Variants in CLCN3 observed in about 807,000 individuals in gnomAD.
CLCN3 encodes H(+)/Cl(-) exchange transporter 3.
CLCN3 carries 16 observed loss-of-function variants against 83.4 expected under a neutral mutation model. The observed-to-expected ratio is 0.19, with a 90% CI of 0.13 to 0.29. CLCN3 has a LOEUF of 0.29. Among genes scored for constraint, CLCN3 ranks in the 10% least tolerant of loss-of-function variants. CLCN3 has a pLI of 1.00. For synonymous variants in CLCN3, 322 were observed against 346.2 expected, an observed-to-expected ratio of 0.93 and a Z score of 0.78; for missense variants, 544 against 1,006.0, an observed-to-expected ratio of 0.54 and a Z score of 6.21.
chr4:169,723,295 T>G lies in CLCN3; in HGVS notation c.*3298T>G, dbSNP rs1733695487. 1 of 152,156 alleles carries G rather than the reference T, an allele frequency of 6.6e-6. No individual in the cohort carries two copies. The highest frequency in any genetic ancestry group is 1.5e-5 in the Non-Finnish European group (1 of 68,040). 9.4% of individuals were successfully genotyped at this position (152,156 alleles called of 1,614,324 possible). On this transcript the variant is annotated 3_prime_UTR_variant, in exon 13 of 13. Transcript: ENST00000513761. ...CAGGGAGCCCCAAAAAGGTAATAAT[T>G]ATAATGCTTCTCTCAGGTTACAAAG...
In CLCN3 at chr4:169,690,648, C is replaced by T. The variant is rs750376977; in HGVS notation, c.725C>T (p.Pro242Leu). Residue 242 changes from proline to leucine, a missense_variant, in exon 6 of 13, where the codon CCA (proline) becomes CTA (leucine). By Grantham distance (98) the Pro-to-Leu change is moderately conservative. Transcript: ENST00000513761. The part of the protein sequence containing the change: ...FAPYACGSGI[P>L]EIKTILSGFI... ...CCATATGCCTGTGGCTCTGGAATTC[C>T]AGAGGTAAGCCAAGTAATATTTAGT... 6.2e-7 allele frequency: 1 copy of T among 1,611,310 alleles called. No individual in the cohort carries two copies. Among genetic ancestry groups the T allele is most frequent in the Non-Finnish European group, 8.5e-7 (1 of 1,178,786 alleles).
chr4:169,686,104 A>G (rs1347287416), intron 3 of CLCN3, among the ~76,000 whole-genome samples: 1 of 152,098 alleles, frequency 6.6e-6, no homozygotes, highest in African/African-American at 2.4e-5. Flanking sequence ...GTTCTCACTC[A>G]TAGGTGGGAA....
intron 2 of CLCN3, among the ~76,000 whole-genome samples, chr4:169,674,148 A>G (rs575912962): frequency 7.2e-5 from 11 of 152,014 alleles, no homozygotes; most frequent in East Asian, 6.1e-4. Flanking sequence ...CCTGGAGCAC[A>G]TGTTACATCC....
chr4:169,685,998 A>G (rs561053980), intron 3 of CLCN3, among the ~76,000 whole-genome samples: 2 of 152,260 alleles, frequency 1.3e-5, no homozygotes, highest in East Asian at 3.9e-4. Context: ...GATTCTTGAA[A>G]TAGACTGGGT....
chr4:169,669,898 C>T (rs901563530), intron 2 of CLCN3, among the ~76,000 whole-genome samples: 5 of 152,074 alleles, frequency 3.3e-5, no homozygotes, highest in African/African-American at 2.4e-5. Context: ...GTTTGTTGGC[C>T]GCATAAATGT....
intron 2 of CLCN3, among the ~76,000 whole-genome samples, chr4:169,668,043 ATTTTT>A (rs60739106): frequency 9.7e-5 from 8 of 82,342 alleles, no homozygotes; most frequent in South Asian, 4.4e-4. Context: ...CCGGCCAGAC[ATTTTT>A]TTTTTTTTTT....
At chr4:169,715,721 A>T (rs1033319109) in intron 12 of CLCN3, among the ~76,000 whole-genome samples, 3 of 152,150 alleles carry the variant, frequency 2.0e-5, no homozygotes, top group Non-Finnish European at 4.4e-5. Flanking sequence ...TAAAAATTTC[A>T]ATTAGCTATT....
intron 1 of CLCN3, among the ~76,000 whole-genome samples, chr4:169,627,855 AAAG>A (rs1773272586): frequency 6.6e-6 from 1 of 152,214 alleles, no homozygotes; most frequent in African/African-American, 2.4e-5. Context: ...AGGCAATGAA[AAAG>A]AAGAATAAGG....
In CLCN3 at chr4:169,706,760, C is replaced by T. The variant is rs74886690; in HGVS notation, c.1751-108C>T. The T allele has an allele frequency of 3.4e-3, 2,830 of 835,290 alleles. 14 individuals are homozygous for T. The highest frequency in any genetic ancestry group is 4.6e-3 in the South Asian group (259 of 56,780). The allele number at this position is 835,290 out of a possible 1,614,324, so 51.7% of individuals were successfully genotyped here. On this transcript the variant is annotated intron_variant, in intron 10 of 12. Coordinates refer to ENST00000513761, the MANE Select transcript of CLCN3 (RefSeq NM_001829.4). ...TTTAGATGCTAATGCTTTTCCCTGA[C>T]TGAGTTCTATTTGCCATTTAGTTTT... is the stretch of plus-strand genomic sequence containing the variant.
chr4:169,717,372 G>GA (rs1733459462), intron 12 of CLCN3, among the ~76,000 whole-genome samples: 1 of 152,108 alleles, frequency 6.6e-6, no homozygotes, highest in Admixed American at 6.5e-5. Context: ...GGTAGATCCA[G>GA]ATGATAACTG....
intron 7 of CLCN3, among the ~76,000 whole-genome samples, chr4:169,694,356 G>A (rs1191538313): frequency 6.6e-6 from 1 of 152,150 alleles, no homozygotes; most frequent in Non-Finnish European, 1.5e-5. Context: ...TCTACCCATA[G>A]CCATACAGCT....
rs144587393 is a variant in CLCN3 at position 169,649,510 on chromosome 4, T to C, written c.160+13422T>C. On this transcript the variant is annotated intron_variant, in intron 2 of 12. Transcript: ENST00000513761. ...TAGGACTATAGGTAGTGATAGAGAG[T>C]AGAGAGATTCAAAATAGATTTAGGA... Among the ~76,000 whole-genome samples the C allele has an allele frequency of 5.1e-3, 770 of 152,062 alleles. 10 individuals are homozygous for C. Among genetic ancestry groups the C allele is most frequent in the African/African-American group, 0.017 (713 of 41,454 alleles).
At chr4:169,643,095 C>A (rs1352839164) in intron 2 of CLCN3, 1 of 152,132 alleles carries the variant, frequency 6.6e-6, no homozygotes, top group Non-Finnish European at 1.5e-5. Context: ...ATATTATTTA[C>A]ATTTAGCTAG....
intron 11 of CLCN3, among the ~76,000 whole-genome samples, chr4:169,712,643 A>G (rs187443710): frequency 5.9e-4 from 90 of 152,308 alleles, no homozygotes; most frequent in Non-Finnish European, 1.1e-3. Flanking sequence ...CAAGAATGAA[A>G]CTCTCTTTAG....
intron 12 of CLCN3, among the ~76,000 whole-genome samples, chr4:169,713,503 C>T (rs566147043): frequency 6.2e-4 from 95 of 152,270 alleles, no homozygotes; most frequent in Middle Eastern, 3.4e-3. Flanking sequence ...CTTTGCCAAA[C>T]AGTGACATTT....
At chr4:169,691,193 T>G (rs113274113) in intron 6 of CLCN3, among the ~76,000 whole-genome samples, 5,764 of 152,042 alleles carry the variant, frequency 0.038, 140 homozygotes, top group South Asian at 0.081. Context: ...TTGTTTTTTT[T>G]TTTTAGTAGA....
At chr4:169,690,765 A>G in intron 6 of CLCN3, 113 bp downstream of exon 6, 1 of 992,730 alleles carries the variant, frequency 1.0e-6, no homozygotes, top group South Asian at 1.9e-5. Context: ...TGTTCATAAT[A>G]TGAAAAAAAA....
chr4:169,664,804 A>G (rs1731183972), intron 2 of CLCN3, among the ~76,000 whole-genome samples: 1 of 152,226 alleles, frequency 6.6e-6, no homozygotes, highest in Admixed American at 6.5e-5. Context: ...CTTGTCAGAA[A>G]TGCTTTGTAT....
chr4:169,634,558 A>G (rs1040326048), intron 1 of CLCN3, among the ~76,000 whole-genome samples: 7 of 152,206 alleles, frequency 4.6e-5, no homozygotes, highest in Non-Finnish European at 1.0e-4. Context: ...AACAAATCTC[A>G]TCTCAGTATA....
Sources: allele counts gnomAD v4.1 joint callset (sites outside exome capture counted in the v4.1 genomes callset), GRCh38; gene constraint gnomAD v4.1.1; transcripts MANE v1.5; gene names NCBI Gene and HGNC (gene_info 2026-07-23, HGNC 2026-07-21).